RALYL: variants seen among roughly 807,000 people sequenced by gnomAD.
RALYL encodes RALY RNA binding protein like.
RALYL carries 29 observed loss-of-function variants against 35.1 expected under a neutral mutation model. The observed-to-expected ratio is 0.83, with a 90% CI of 0.61 to 1.13. The LOEUF (loss-of-function observed/expected upper bound fraction) is 1.13, where lower values mean the gene tolerates loss of function less well. Ranked by LOEUF, RALYL falls within the 50% of genes most tolerant of loss-of-function variation. RALYL has a pLI of 0.00. For synonymous variants in RALYL, 120 were observed against 127.6 expected, an observed-to-expected ratio of 0.94 and a Z score of 0.40; for missense variants, 359 against 360.4, an observed-to-expected ratio of 1.00 and a Z score of 0.03.
At chr8:84,635,042 A>G (rs1300975294) in intron 2 of RALYL, among the ~76,000 whole-genome samples, 1 of 151,768 alleles carries the variant, frequency 6.6e-6, no homozygotes, top group Non-Finnish European at 1.5e-5. Context: ...TATTCAAGAT[A>G]GTAATCATTC....
intron 3 of RALYL, among the ~76,000 whole-genome samples, chr8:84,800,363 G>C (rs1465879191): frequency 6.6e-6 from 1 of 152,184 alleles, no homozygotes; most frequent in Admixed American, 6.5e-5. Context: ...ACCTCAGATT[G>C]TATCATGACG....
intron 1 of RALYL, among the ~76,000 whole-genome samples, chr8:84,315,537 C>T (rs1052635407): frequency 6.6e-6 from 1 of 151,912 alleles, no homozygotes; most frequent in Admixed American, 6.6e-5. Flanking sequence ...GAAACTTTCA[C>T]TGAGTAACTT....
intron 1 of RALYL, among the ~76,000 whole-genome samples, chr8:84,439,174 G>A (rs1047361852): frequency 6.6e-6 from 1 of 152,012 alleles, no homozygotes; most frequent in African/African-American, 2.4e-5. Context: ...ATTGCTTTGG[G>A]CAGTATGGTT....
intron 1 of RALYL, among the ~76,000 whole-genome samples, chr8:84,402,480 T>A (rs2043012627): frequency 6.6e-6 from 1 of 152,078 alleles, no homozygotes; most frequent in Non-Finnish European, 1.5e-5. Flanking sequence ...CTTAAAAAAA[T>A]TAAAGACCGT....
intron 1 of RALYL, among the ~76,000 whole-genome samples, chr8:84,464,367 C>T (rs2051247676): frequency 6.6e-6 from 1 of 151,514 alleles, no homozygotes; most frequent in South Asian, 2.1e-4. Flanking sequence ...GTTCAATTCC[C>T]ACCTATGAGT....
chr8:84,673,163 A>G (rs560987091), intron 2 of RALYL, among the ~76,000 whole-genome samples: 1 of 152,206 alleles, frequency 6.6e-6, no homozygotes, highest in South Asian at 2.1e-4. Context: ...GGCCACATGT[A>G]TGTCTTCTTT....
chr8:84,276,602 T>C (rs1563653822), intron 1 of RALYL, among the ~76,000 whole-genome samples: 1 of 152,204 alleles, frequency 6.6e-6, no homozygotes, highest in African/African-American at 2.4e-5. Flanking sequence ...GCATCAGAAC[T>C]AGGCCTGCTA....
chr8:84,788,468 A>G (rs1423011418), intron 3 of RALYL, among the ~76,000 whole-genome samples: 5 of 152,192 alleles, frequency 3.3e-5, no homozygotes, highest in Admixed American at 3.3e-4. Context: ...AAAATTAGAC[A>G]TTTTCAGTGA....
chr8:84,759,466 G>A (rs1402865798), intron 2 of RALYL, among the ~76,000 whole-genome samples: 1 of 152,116 alleles, frequency 6.6e-6, no homozygotes, highest in Non-Finnish European at 1.5e-5. Context: ...TAGTTATTCA[G>A]TATCCAAAAG....
At chr8:84,651,356 A>T (rs1828784402) in intron 2 of RALYL, among the ~76,000 whole-genome samples, 1 of 151,962 alleles carries the variant, frequency 6.6e-6, no homozygotes, top group Non-Finnish European at 1.5e-5. Flanking sequence ...TATAATTAAT[A>T]ACTTGTATGG....
chr8:84,561,964 G>A (rs1289642389), intron 2 of RALYL, among the ~76,000 whole-genome samples: 1 of 151,902 alleles, frequency 6.6e-6, no homozygotes, highest in African/African-American at 2.4e-5. Flanking sequence ...TTTCAACCTG[G>A]CCTTTTAGAT....
At chr8:84,754,727 C>T (rs558307109) in intron 2 of RALYL, among the ~76,000 whole-genome samples, 36 of 152,190 alleles carry the variant, frequency 2.4e-4, no homozygotes, top group African/African-American at 8.2e-4. Context: ...AATACCTCCT[C>T]TTTTACTGAA....
chr8:84,357,401 A>G (rs1852052947), intron 1 of RALYL, among the ~76,000 whole-genome samples: 1 of 152,016 alleles, frequency 6.6e-6, no homozygotes, highest in South Asian at 2.1e-4. Context: ...ACAAAGTTAA[A>G]TTAAAGGTTA....
chr8:84,738,298 C>T (rs1345000040), intron 2 of RALYL, among the ~76,000 whole-genome samples: 1 of 151,744 alleles, frequency 6.6e-6, no homozygotes, highest in Admixed American at 6.6e-5. Flanking sequence ...GTAAGAAGTA[C>T]AAAAAAAGTC....
chr8:84,752,958 A>G lies in RALYL; in HGVS notation c.257-21621A>G, dbSNP rs192308958. Reference sequence around the variant, plus strand: ...AAGCACTGCTTAGTGGAGCTGTGAGATGAAGGCCACTGCCCTCCAGCCCCC... The same window carrying G: ...AAGCACTGCTTAGTGGAGCTGTGAGGTGAAGGCCACTGCCCTCCAGCCCCC... On this transcript the variant is annotated intron_variant, in intron 2 of 8. Transcript: ENST00000521268. Among the ~76,000 whole-genome samples the G allele has an allele frequency of 4.1e-4, 63 of 152,254 alleles. 1 individual carries two copies. In the East Asian group the frequency reaches 0.011, roughly 27 times the overall value.
At chr8:84,586,929 T>G (rs370087099) in intron 2 of RALYL, among the ~76,000 whole-genome samples, 8 of 152,272 alleles carry the variant, frequency 5.3e-5, no homozygotes, top group African/African-American at 1.9e-4. Context: ...TCATTTTTTC[T>G]GGGTCAAAGA....
intron 4 of RALYL, among the ~76,000 whole-genome samples, chr8:84,834,550 C>G (rs907284069): frequency 2.0e-5 from 3 of 152,180 alleles, no homozygotes; most frequent in African/African-American, 7.2e-5. Context: ...GAAAAAGAAG[C>G]TCCTTCTTCT....
intron 1 of RALYL, among the ~76,000 whole-genome samples, chr8:84,369,791 G>A (rs1044759775): frequency 7.2e-5 from 11 of 152,068 alleles, no homozygotes; most frequent in Admixed American, 2.0e-4. Flanking sequence ...CTCTCCAATT[G>A]CAGTATATTA....
At chr8:84,778,007 T>C (rs1240885428) in intron 3 of RALYL, among the ~76,000 whole-genome samples, 1 of 152,174 alleles carries the variant, frequency 6.6e-6, no homozygotes, top group African/African-American at 2.4e-5. Flanking sequence ...ATTCATTCAT[T>C]CATTTATACA....
Sources: allele counts gnomAD v4.1 joint callset (sites outside exome capture counted in the v4.1 genomes callset), GRCh38; gene constraint gnomAD v4.1.1; transcripts MANE v1.5; gene names NCBI Gene and HGNC (gene_info 2026-07-23, HGNC 2026-07-21).